The following RBM6 variants were observed in gnomAD, a reference collection of about 807,000 sequenced individuals.
RBM6 encodes RNA binding motif protein 6, also known as RNA-binding protein 6.
In RBM6, 23 loss-of-function variants were observed where a neutral mutation model predicts 140.4. The ratio of observed to expected loss-of-function variants is 0.16; its 90% CI spans 0.12 to 0.23. RBM6 has a LOEUF of 0.23. Among genes scored for constraint, RBM6 ranks in the 10% least tolerant of loss-of-function variants. The pLI, the probability that RBM6 is intolerant of heterozygous loss-of-function variation, is 1.00. For missense variants in RBM6, 1,139 were observed against 1,386.7 expected, an observed-to-expected ratio of 0.82 and a Z score of 2.84; for synonymous variants, 439 against 475.6, an observed-to-expected ratio of 0.92 and a Z score of 1.00.
chr3:50,046,371 G>T (rs1287825677), intron 6 of RBM6, among the ~76,000 whole-genome samples: 8 of 151,764 alleles, frequency 5.3e-5, no homozygotes, highest in Admixed American at 1.3e-4. Context: ...CCTAAGGTTG[G>T]GAATTCGAGA....
At chr3:50,025,608 A>ATTTTTTTTTTT (rs1377434899) in intron 6 of RBM6, among the ~76,000 whole-genome samples, 3 of 57,336 alleles carry the variant, frequency 5.2e-5, no homozygotes, top group African/African-American at 9.9e-5. Flanking sequence ...TTTTTTTTTA[A>ATTTTTTTTTTT]GAGACAGGGT....
Position 50,077,165 on chromosome 3 carries a change from C to T in RBM6, c.*32C>T, listed in dbSNP as rs761653326. 21 of 1,582,374 alleles carry T rather than the reference C, an allele frequency of 1.3e-5. No individual in the cohort carries two copies. Among genetic ancestry groups the T allele is most frequent in the Non-Finnish European group, 1.7e-5 (20 of 1,166,800 alleles). ...AGACAAGTTCCATGGGATACAACCT[C>T]CCTCTTGTTTTGTTTGTCTCTCCTT... On this transcript the variant is annotated 3_prime_UTR_variant, in exon 21 of 21. Transcript: ENST00000266022.
chr3:49,989,296 C>T (rs2085705096), intron 5 of RBM6, among the ~76,000 whole-genome samples: 1 of 152,134 alleles, frequency 6.6e-6, no homozygotes, highest in South Asian at 2.1e-4. Context: ...ATTTGTGGGC[C>T]AGGCCCGGTG....
At chr3:50,013,112 G>T (rs143800530) in intron 6 of RBM6, among the ~76,000 whole-genome samples, 12 of 152,250 alleles carry the variant, frequency 7.9e-5, no homozygotes, top group Non-Finnish European at 1.8e-4. Flanking sequence ...CATTGAAAAA[G>T]GGACATCATT....
intron 7 of RBM6, among the ~76,000 whole-genome samples, chr3:50,052,672 G>A (rs1018646205): frequency 6.6e-6 from 1 of 152,186 alleles, no homozygotes; most frequent in African/African-American, 2.4e-5. Flanking sequence ...AAAACAGCAA[G>A]CATATTCTTC....
At position 50,077,159 on chromosome 3, in the gene RBM6, C is replaced by A. The variant is rs1335460099; in HGVS notation, c.*26C>A. On this transcript the variant is annotated 3_prime_UTR_variant, in exon 21 of 21. Coordinates refer to ENST00000266022, the MANE Select transcript of RBM6 (RefSeq NM_005777.3). The stretch of plus-strand genomic sequence containing the variant: ...GAAAGGAGACAAGTTCCATGGGATA[C>A]AACCTCCCTCTTGTTTTGTTTGTCT... 1 of 1,589,826 alleles carries A rather than the reference C, an allele frequency of 6.3e-7. No individual in the cohort carries two copies. Among genetic ancestry groups the A allele is most frequent in the South Asian group, 1.1e-5 (1 of 87,308 alleles).
chr3:50,045,362 G>C (rs550096328), intron 6 of RBM6, among the ~76,000 whole-genome samples: 111 of 152,276 alleles, frequency 7.3e-4, no homozygotes, highest in African/African-American at 2.5e-3. Context: ...TCTAACAGCA[G>C]TATCTCCCTC....
At chr3:49,995,340 G>C (rs1294129772) in intron 5 of RBM6, among the ~76,000 whole-genome samples, 1 of 152,072 alleles carries the variant, frequency 6.6e-6, no homozygotes, top group Non-Finnish European at 1.5e-5. Flanking sequence ...CAGATCACCT[G>C]AGCTCAGGAG....
intron 1 of RBM6, among the ~76,000 whole-genome samples, chr3:49,942,582 T>C (rs982186742): frequency 2.6e-5 from 4 of 151,590 alleles, no homozygotes; most frequent in African/African-American, 9.7e-5. Context: ...TCTGAAACTT[T>C]AGTATCTCAA....
chr3:49,991,120 A>G (rs191494501), intron 5 of RBM6, among the ~76,000 whole-genome samples: 9 of 152,334 alleles, frequency 5.9e-5, no homozygotes, highest in East Asian at 1.9e-4. Flanking sequence ...TATGGCTGCA[A>G]AAAACTCAGA....
rs975227365 is a variant in RBM6 at position 49,969,469 on chromosome 3, A to ATATATATATGAATATATATG, written c.1323+741_1323+760dup. Among the ~76,000 whole-genome samples the ATATATATATGAATATATATG allele has an allele frequency of 8.2e-5, 12 of 147,020 alleles. 1 individual carries two copies. The South Asian group carries it at 1.7e-3, about 21-fold the overall frequency. On this transcript the variant is annotated intron_variant, in intron 3 of 20. Transcript: ENST00000266022. ...CATATATATGTGTGTGTGTGTGTAT[A>ATATATATATGAATATATATG]TATATATATGAATATATATGTATAT...
intron 5 of RBM6, among the ~76,000 whole-genome samples, chr3:49,985,649 C>T: frequency 6.6e-6 from 1 of 152,110 alleles, no homozygotes; most frequent in East Asian, 1.9e-4. Context: ...CTCTGTCGCC[C>T]AGGCTGGAGT....
At chr3:50,074,101 T>C (rs943991049) in intron 19 of RBM6, among the ~76,000 whole-genome samples, 1 of 152,148 alleles carries the variant, frequency 6.6e-6, no homozygotes, top group Admixed American at 6.5e-5. Flanking sequence ...AGTGCTGGGA[T>C]TACAGGCGTG....
At chr3:49,956,017 A>G (rs1232914140) in intron 1 of RBM6, among the ~76,000 whole-genome samples, 1 of 144,874 alleles carries the variant, frequency 6.9e-6, no homozygotes, top group Non-Finnish European at 1.5e-5. Flanking sequence ...TTTTTTTGGT[A>G]GTGAAAAAAA....
chr3:50,054,117 G>C (rs2089602976), intron 7 of RBM6: 2 of 491,880 alleles, frequency 4.1e-6, no homozygotes, highest in Non-Finnish European at 7.2e-6. Context: ...CTGCACCAAA[G>C]TCCCAGATGC....
intron 8 of RBM6, among the ~76,000 whole-genome samples, chr3:50,054,795 G>A (rs1260911165): frequency 6.6e-6 from 1 of 151,952 alleles, no homozygotes. Flanking sequence ...GATTACAGGT[G>A]TGAATCACTG....
At chr3:50,000,774 ACTC>A (rs1178695678) in intron 6 of RBM6, among the ~76,000 whole-genome samples, 1 of 150,524 alleles carries the variant, frequency 6.6e-6, no homozygotes, top group African/African-American at 2.4e-5. Context: ...TTAGATGAGA[ACTC>A]TTCTTCTTCT....
intron 1 of RBM6, among the ~76,000 whole-genome samples, chr3:49,957,714 T>A (rs2084061155): frequency 6.6e-6 from 1 of 152,180 alleles, no homozygotes; most frequent in Non-Finnish European, 1.5e-5. Context: ...ATTAATAATT[T>A]TTTATGCATC....
intron 1 of RBM6, among the ~76,000 whole-genome samples, chr3:49,949,428 T>A (rs1460688683): frequency 1.3e-5 from 2 of 152,084 alleles, no homozygotes; most frequent in Non-Finnish European, 2.9e-5. Context: ...AGTCTCACTC[T>A]GTCCCCGAGG....
Sources: gnomAD v4.1 joint callset for allele counts (sites outside exome capture counted in the v4.1 genomes callset) on GRCh38, gnomAD v4.1.1 for gene constraint, MANE v1.5 for transcripts, NCBI Gene and HGNC (gene_info 2026-07-23, HGNC 2026-07-21) for gene names.